The following SYNPR variants were observed in gnomAD, a reference collection of about 807,000 sequenced individuals.
SYNPR encodes the protein synaptoporin.
SYNPR carries 23 observed loss-of-function variants against 32.9 expected under a neutral mutation model. The ratio of observed to expected loss-of-function variants is 0.70; its 90% CI spans 0.50 to 0.99. The LOEUF is 0.99. SYNPR is among the 50% of genes least tolerant of loss of function. The pLI, the probability that SYNPR is intolerant of heterozygous loss-of-function variation, is 0.00. For synonymous variants in SYNPR, 146 were observed against 135.9 expected (o/e 1.07, Z -0.52); for missense variants, 318 against 349.3 (o/e 0.91, Z 0.71).
intron 2 of SYNPR, among the ~76,000 whole-genome samples, chr3:63,407,406 A>T (rs975417496): frequency 6.6e-6 from 1 of 152,202 alleles, no homozygotes; most frequent in African/African-American, 2.4e-5. Context: ...GAATCTGTGG[A>T]TGCTGAAATC....
intron 2 of SYNPR, among the ~76,000 whole-genome samples, chr3:63,264,248 A>G (rs2086462368): frequency 6.6e-6 from 1 of 152,166 alleles, no homozygotes; most frequent in South Asian, 2.1e-4. Context: ...TAAAGATTCT[A>G]TCTGATATTG....
At chr3:63,350,510 T>C (rs1053335377) in intron 2 of SYNPR, among the ~76,000 whole-genome samples, 1 of 152,232 alleles carries the variant, frequency 6.6e-6, no homozygotes, top group African/African-American at 2.4e-5. Flanking sequence ...TGTATGCCTG[T>C]GTATGTGTGT....
intron 2 of SYNPR, among the ~76,000 whole-genome samples, chr3:63,256,586 G>A (rs2086385980): frequency 6.6e-6 from 1 of 152,128 alleles, no homozygotes; most frequent in Non-Finnish European, 1.5e-5. Flanking sequence ...CATCATCAAA[G>A]ACCAAATGTA....
intron 2 of SYNPR, among the ~76,000 whole-genome samples, chr3:63,370,928 G>C (rs1301019135): frequency 6.6e-6 from 1 of 152,092 alleles, no homozygotes; most frequent in Non-Finnish European, 1.5e-5. Flanking sequence ...TTTAAATATG[G>C]GGGAGAGCCA....
At chr3:63,609,975 G>T (rs950923083) in intron 5 of SYNPR, among the ~76,000 whole-genome samples, 2 of 152,154 alleles carry the variant, frequency 1.3e-5, no homozygotes, top group Non-Finnish European at 2.9e-5. Flanking sequence ...AGGAATATTT[G>T]AGGGCATACA....
rs192694000 is a variant in SYNPR, at chr3:63,344,797, C to G, written c.84+66055C>G. On this transcript the variant is annotated intron_variant, in intron 2 of 5. Transcript: ENST00000478300. Reference sequence around the variant, plus strand: ...TCAGCCTCCCCACAGAGCTCCGAGGCTAGGGCTTTTCAAGGATGGGCAGGG... The same window carrying G: ...TCAGCCTCCCCACAGAGCTCCGAGGGTAGGGCTTTTCAAGGATGGGCAGGG... Among the ~76,000 whole-genome samples, 34 of 151,974 alleles carry G rather than the reference C, an allele frequency of 2.2e-4. No individual in the cohort carries two copies. In the East Asian group the frequency reaches 6.4e-3, roughly 29 times the overall value.
At chr3:63,206,795 C>T in the SYNPR span, among the ~76,000 whole-genome samples, 1 of 152,150 alleles carries the variant, frequency 6.6e-6, no homozygotes, top group Non-Finnish European at 1.5e-5. Flanking sequence ...CTAGCCATAG[C>T]TAATGGTACT....
chr3:63,359,385 G>A (rs1398432943), intron 2 of SYNPR, among the ~76,000 whole-genome samples: 1 of 152,210 alleles, frequency 6.6e-6, no homozygotes, highest in African/African-American at 2.4e-5. Flanking sequence ...ACTACCGTTA[G>A]GAGAACTTAA....
chr3:63,399,652 TG>T (rs1166953751), intron 2 of SYNPR, among the ~76,000 whole-genome samples: 2 of 152,114 alleles, frequency 1.3e-5, no homozygotes, highest in Admixed American at 1.3e-4. Flanking sequence ...TATATGAATC[TG>T]GGGGGATACA....
chr3:63,433,603 G>A (rs913187209), intron 2 of SYNPR, among the ~76,000 whole-genome samples: 4 of 152,106 alleles, frequency 2.6e-5, no homozygotes, highest in African/African-American at 4.8e-5. Context: ...TGCACGCTTC[G>A]GTTCTCAAAG....
At chr3:63,390,070 C>A (rs1424370947) in intron 2 of SYNPR, among the ~76,000 whole-genome samples, 1 of 152,132 alleles carries the variant, frequency 6.6e-6, no homozygotes, top group Non-Finnish European at 1.5e-5. Flanking sequence ...CACCTTTTCA[C>A]AGGATATTTA....
intron 2 of SYNPR, among the ~76,000 whole-genome samples, chr3:63,282,786 T>C (rs565549818): frequency 6.6e-6 from 1 of 152,322 alleles, no homozygotes; most frequent in South Asian, 2.1e-4. Context: ...AAACATAAGT[T>C]TCATTCTTTG....
intron 2 of SYNPR, 93 bp downstream of exon 2, chr3:63,278,835 C>A: frequency 7.4e-7 from 1 of 1,358,504 alleles, no homozygotes; most frequent in South Asian, 1.3e-5. Context: ...CAGTTCTGCT[C>A]CAAGCCGGAG....
chr3:63,237,962 C>T (rs1016507688), intron 1 of SYNPR, among the ~76,000 whole-genome samples: 1 of 152,078 alleles, frequency 6.6e-6, no homozygotes, highest in Non-Finnish European at 1.5e-5. Context: ...TTCTCAATTG[C>T]TCCTCCCCAC....
intron 2 of SYNPR, among the ~76,000 whole-genome samples, chr3:63,305,529 C>T (rs1424608005): frequency 6.6e-6 from 1 of 151,970 alleles, no homozygotes; most frequent in East Asian, 1.9e-4. Flanking sequence ...CTTTCCCTTA[C>T]AAAAATTTTA....
chr3:63,315,766 C>A (rs1319908574), intron 2 of SYNPR, among the ~76,000 whole-genome samples: 1 of 151,984 alleles, frequency 6.6e-6, no homozygotes, highest in African/African-American at 2.4e-5. Flanking sequence ...CTAGGACTTG[C>A]AGTACTATGT....
At chr3:63,606,849 G>C (rs1411548371) in intron 4 of SYNPR, among the ~76,000 whole-genome samples, 1 of 152,094 alleles carries the variant, frequency 6.6e-6, no homozygotes, top group Non-Finnish European at 1.5e-5. Context: ...TTAACCTTTG[G>C]TGTCTCCATT....
Position 63,616,458 on chromosome 3 carries a change from C to T in SYNPR, c.*977C>T, listed in dbSNP as rs751581404. The T allele has an allele frequency of 6.6e-6, 1 of 152,516 alleles. No individual in the cohort carries two copies. The highest frequency in any genetic ancestry group is 2.4e-5 in the African/African-American group (1 of 41,410). 9.4% of individuals were successfully genotyped at this position (152,516 alleles called of 1,614,324 possible). A position where few individuals can be genotyped will look rare whatever the true frequency, so the allele number is the denominator to read the frequency against. On this transcript the variant is annotated 3_prime_UTR_variant, in exon 6 of 6. Transcript: ENST00000478300. ...TATTTATAAAGAATATTCTGTAGAA[C>T]CTCTACTACCAGCTATATTTTTAAA...
intron 4 of SYNPR, among the ~76,000 whole-genome samples, chr3:63,604,420 T>C (rs1369079047): frequency 6.6e-6 from 1 of 152,190 alleles, no homozygotes; most frequent in Non-Finnish European, 1.5e-5. Context: ...CCTTAGTTCC[T>C]CTAGTTGTGA....
Sources: gnomAD v4.1 joint callset for allele counts (sites outside exome capture counted in the v4.1 genomes callset) on GRCh38, gnomAD v4.1.1 for gene constraint, MANE v1.5 for transcripts, NCBI Gene and HGNC (gene_info 2026-07-23, HGNC 2026-07-21) for gene names.